Variants in PCDHGA6 observed in about 807,000 individuals in gnomAD.
PCDHGA6 encodes the protein protocadherin gamma-A6.
PCDHGA6 carries 41 observed loss-of-function variants against 60.6 expected under a neutral mutation model. The ratio of observed to expected loss-of-function variants is 0.68; its 90% CI spans 0.53 to 0.88. The LOEUF is 0.88. Among genes scored for constraint, PCDHGA6 ranks in the 40% least tolerant of loss-of-function variants. The pLI is 0.00. For synonymous variants in PCDHGA6, 594 were observed against 524.4 expected, an observed-to-expected ratio of 1.13 and a Z score of -1.81; for missense variants, 1,312 against 1,203.0, an observed-to-expected ratio of 1.09 and a Z score of -1.34.
At chr5:141,466,036 G>A (rs981390655) in intron 1 of PCDHGA6, among the ~76,000 whole-genome samples, 17 of 152,064 alleles carry the variant, frequency 1.1e-4, no homozygotes, top group Non-Finnish European at 2.5e-4. Flanking sequence ...GCAGGAGAAC[G>A]GCATGAACCC....
chr5:141,375,655 G>T lies in PCDHGA6; in HGVS notation c.1572G>T (p.Gln524His). 6.2e-7 allele frequency: 1 copy of T among 1,614,246 alleles called. No homozygotes were observed. Among genetic ancestry groups the T allele is most frequent in the Non-Finnish European group, 8.5e-7 (1 of 1,180,048 alleles). Residue 524 changes from glutamine (Q) to histidine (H), a missense_variant, in exon 1 of 4, where the codon CAG becomes CAT. Coordinates refer to ENST00000517434, the MANE Select transcript of PCDHGA6 (RefSeq NM_018919.3). ...CCCTGCGCTCCTTCGACTATGAGCA[G>T]TTGAGAGACCTACAGCTGTGGGTGA... ...LYALRSFDYEQLRDLQLWVTA... is the reference protein window; with the variant it reads ...LYALRSFDYEHLRDLQLWVTA...
At chr5:141,416,947 T>G (rs1436457377) in intron 1 of PCDHGA6, 1 of 152,184 alleles carries the variant, frequency 6.6e-6, no homozygotes, top group Non-Finnish European at 1.5e-5. Flanking sequence ...CCATTGAAAC[T>G]ATTATTTTAT....
At chr5:141,467,134 C>T (rs905270517) in intron 1 of PCDHGA6, among the ~76,000 whole-genome samples, 19 of 151,750 alleles carry the variant, frequency 1.3e-4, no homozygotes, top group African/African-American at 4.6e-4. Flanking sequence ...CTCACTGCAA[C>T]CTCTGCCTCC....
intron 1 of PCDHGA6, chr5:141,409,621 A>G: frequency 6.2e-7 from 1 of 1,613,852 alleles, no homozygotes; most frequent in Non-Finnish European, 8.5e-7. Context: ...CCATTGCGCA[A>G]GTGAGCGCCT....
chr5:141,390,373 AT>A, intron 1 of PCDHGA6: 1 of 1,481,206 alleles, frequency 6.8e-7, no homozygotes, highest in Non-Finnish European at 9.2e-7. Flanking sequence ...AAAATATATA[AT>A]TTTTAGATGT....
chr5:141,500,937 C>G (rs910002814), intron 2 of PCDHGA6, among the ~76,000 whole-genome samples: 1 of 151,804 alleles, frequency 6.6e-6, no homozygotes, highest in Non-Finnish European at 1.5e-5. Context: ...GGCGCCATCT[C>G]GGCTCACTGC....
intron 1 of PCDHGA6, chr5:141,415,791 CCTAGTCTCAA>C: frequency 2.2e-6 from 3 of 1,341,938 alleles, no homozygotes; most frequent in Non-Finnish European, 1.9e-6. Flanking sequence ...GTAAAATTCA[CCTAGTCTCAA>C]TCAAGGCCTA....
In PCDHGA6 at chr5:141,375,793, C is replaced by A. The variant is rs761231690; in HGVS notation, c.1710C>A (p.Asp570Glu). 31 of 1,614,110 alleles carry A rather than the reference C, an allele frequency of 1.9e-5. No homozygotes were observed. The highest frequency in any genetic ancestry group is 2.5e-5 in the Non-Finnish European group (29 of 1,180,038). ...PEILYPALPT[D>E]GSTGVELAPR... ...TCCTGTACCCCGCCCTCCCCACAGACGGTTCCACTGGCGTGGAGCTGGCGC... is the reference window on the plus strand; with the variant it reads ...TCCTGTACCCCGCCCTCCCCACAGAAGGTTCCACTGGCGTGGAGCTGGCGC... The change falls in exon 1 of 4, where the codon GAC becomes GAA. Residue 570 changes from aspartate to glutamate, a missense_variant. Coordinates refer to ENST00000517434, the MANE Select transcript of PCDHGA6 (RefSeq NM_018919.3).
At chr5:141,400,440 A>G (rs1351638844) in intron 1 of PCDHGA6, 2 of 1,614,094 alleles carry the variant, frequency 1.2e-6, no homozygotes, top group Non-Finnish European at 1.7e-6. Context: ...AATTGAGTTC[A>G]GGACAAGACA....
intron 1 of PCDHGA6, chr5:141,382,935 A>G: frequency 6.3e-7 from 1 of 1,589,148 alleles, no homozygotes; most frequent in Admixed American, 1.7e-5. Flanking sequence ...ACTACAGAGG[A>G]TTCTTCCTGC....
chr5:141,503,894 T>C (rs898125492), intron 2 of PCDHGA6, among the ~76,000 whole-genome samples: 2 of 152,144 alleles, frequency 1.3e-5, no homozygotes, highest in African/African-American at 4.8e-5. Flanking sequence ...CATGACAAAA[T>C]ATGCACACAC....
chr5:141,499,996 C>A (rs1246090346), intron 2 of PCDHGA6, among the ~76,000 whole-genome samples: 2 of 151,572 alleles, frequency 1.3e-5, no homozygotes, highest in Non-Finnish European at 2.9e-5. Flanking sequence ...CCAGATGATT[C>A]TTTCATAAGG....
intron 3 of PCDHGA6, among the ~76,000 whole-genome samples, chr5:141,510,531 T>C (rs1459536719): frequency 6.6e-6 from 1 of 152,078 alleles, no homozygotes; most frequent in Non-Finnish European, 1.5e-5. Context: ...CTGAGAGAAA[T>C]ACCAGCGAAT....
chr5:141,486,091 G>T lies in PCDHGA6; in HGVS notation c.2425-8716G>T. ...CTACTGGAAAGCTTACTCTTTTGGG[G>T]CCCCTAGACTTTGAGAGTGAGAATT... On this transcript the variant is annotated intron_variant, in intron 1 of 3. Coordinates refer to ENST00000517434, the MANE Select transcript of PCDHGA6 (RefSeq NM_018919.3). This position sits in a 1 kb window ranked among gnomAD's most constrained non-coding sequence, Gnocchi z 5.0. 1 of 1,614,158 alleles carries T rather than the reference G, an allele frequency of 6.2e-7. No homozygotes were observed. Among genetic ancestry groups the T allele is most frequent in the South Asian group, 1.1e-5 (1 of 91,078 alleles).
chr5:141,382,147 C>A (rs1343948050), intron 1 of PCDHGA6, among the ~76,000 whole-genome samples: 1 of 151,884 alleles, frequency 6.6e-6, no homozygotes, highest in East Asian at 1.9e-4. Context: ...ATTTTTTAAA[C>A]GGTTAAAATG....
chr5:141,382,871 G>T (rs764156663), intron 1 of PCDHGA6: 3 of 1,520,506 alleles, frequency 2.0e-6, no homozygotes, highest in East Asian at 2.3e-5. Flanking sequence ...TCCCGAGATC[G>T]GCGCCTAAGC....
intron 1 of PCDHGA6, chr5:141,403,502 A>G: frequency 6.2e-7 from 1 of 1,613,998 alleles, no homozygotes; most frequent in Non-Finnish European, 8.5e-7. Context: ...GAACGTGCAG[A>G]CTGGAGACAA....
chr5:141,409,849 C>A (rs772503820), intron 1 of PCDHGA6: 1 of 1,612,106 alleles, frequency 6.2e-7, no homozygotes, highest in South Asian at 1.1e-5. Context: ...TGAGCCTGCG[C>A]GTGTTGGTGG....
At chr5:141,504,452 T>C (rs1208972630) in intron 2 of PCDHGA6, among the ~76,000 whole-genome samples, 1 of 152,060 alleles carries the variant, frequency 6.6e-6, no homozygotes, top group Non-Finnish European at 1.5e-5. Flanking sequence ...TAGTGCCATG[T>C]GGGGCAGCCG....
Sources: allele counts gnomAD v4.1 joint callset (sites outside exome capture counted in the v4.1 genomes callset), GRCh38; gene constraint gnomAD v4.1.1; non-coding constraint Gnocchi (gnomAD v3.1); transcripts MANE v1.5; gene names NCBI Gene and HGNC (gene_info 2026-07-23, HGNC 2026-07-21).